ASF1A: variants seen among roughly 807,000 people sequenced by gnomAD.
ASF1A encodes anti-silencing function 1A histone chaperone.
In ASF1A, 5 loss-of-function variants were observed where a neutral mutation model predicts 22.0. That is an observed-to-expected ratio of 0.23 (90% CI 0.12 to 0.48). The LOEUF (loss-of-function observed/expected upper bound fraction) is 0.48. Among genes scored for constraint, ASF1A ranks in the 20% least tolerant of loss-of-function variants. The probability of loss-of-function intolerance (pLI) is 0.99; values close to 1 mark genes in which losing one functional copy is unlikely to be tolerated. For missense variants in ASF1A, 137 were observed against 240.6 expected, an observed-to-expected ratio of 0.57 and a Z score of 2.85; for synonymous variants, 97 against 86.7, an observed-to-expected ratio of 1.12 and a Z score of -0.66.
intron 1 of ASF1A, among the ~76,000 whole-genome samples, chr6:118,896,352 G>A (rs1223841948): frequency 6.6e-6 from 1 of 152,038 alleles, no homozygotes; most frequent in Non-Finnish European, 1.5e-5. Flanking sequence ...CTGTTTTTCA[G>A]ATATACCACC....
rs768988715 is a variant in ASF1A at position 118,907,596 on chromosome 6, C to G, written c.597C>G (p.Ser199=). 1.9e-5 allele frequency: 30 copies of G among 1,613,250 alleles called. No homozygotes were observed. The highest frequency in any genetic ancestry group is 3.3e-5 in the Admixed American group (2 of 59,984). ...ACTCACTAAATGTCATGTTAGAATC[C>G]CACATGGACTGCATGTGACCACCTA... ...SENSLNVMLE[S]HMDCM The change falls in exon 4 of 4, where the codon TCC becomes TCG. Residue 199 remains serine, a synonymous_variant. Transcript: ENST00000229595.
At chr6:118,900,719 A>T in intron 1 of ASF1A, 47 bp from the exon 2 acceptor site, 1 of 1,257,336 alleles carries the variant, frequency 8.0e-7, no homozygotes, top group Non-Finnish European at 1.2e-6. Context: ...GTCATCTGGT[A>T]ATGTAATTAC....
intron 1 of ASF1A, among the ~76,000 whole-genome samples, chr6:118,895,036 A>AAGGC (rs951721013): frequency 2.4e-4 from 37 of 151,946 alleles, no homozygotes; most frequent in Admixed American, 1.8e-3. Flanking sequence ...CCCCCGGCGA[A>AAGGC]AGGCAGGCAG....
At chr6:118,894,797 C>T (rs1347800427) in intron 1 of ASF1A, among the ~76,000 whole-genome samples, 4 of 152,206 alleles carry the variant, frequency 2.6e-5, no homozygotes, top group African/African-American at 9.6e-5. Flanking sequence ...GGGCGGGCAG[C>T]TCGGAGACCC....
chr6:118,905,886 G>A, intron 3 of ASF1A, 58 bp downstream of exon 3: 1 of 1,319,998 alleles, frequency 7.6e-7, no homozygotes, highest in Non-Finnish European at 1.0e-6. Context: ...TAAAGCAGTT[G>A]CTATTGCAAT....
chr6:118,894,615 C>G (rs1335959728), intron 1 of ASF1A, 93 bp downstream of exon 1: 24 of 1,086,308 alleles, frequency 2.2e-5, no homozygotes, highest in Non-Finnish European at 2.3e-5. Flanking sequence ...CGGCTGTGTT[C>G]GGCGCCTGGC....
rs1389778127 is a variant in ASF1A at position 118,894,405 on chromosome 6, T to C, written c.-9T>C. Reference sequence around the variant, plus strand: ...CCCCAGTTCCCATTGTTTGTGTTTTTTTCAAAATATGGCAAAGGTTCAGGT... The same window carrying C: ...CCCCAGTTCCCATTGTTTGTGTTTTCTTCAAAATATGGCAAAGGTTCAGGT... On this transcript the variant is annotated 5_prime_UTR_variant, in exon 1 of 4. Coordinates refer to ENST00000229595, the MANE Select transcript of ASF1A (RefSeq NM_014034.3). 2 of 1,536,826 alleles carry C rather than the reference T, an allele frequency of 1.3e-6. No homozygotes were observed. The highest frequency in any genetic ancestry group is 1.7e-6 in the Non-Finnish European group (2 of 1,146,748).
chr6:118,896,273 T>A (rs1779405233), intron 1 of ASF1A, among the ~76,000 whole-genome samples: 1 of 152,170 alleles, frequency 6.6e-6, no homozygotes, highest in Non-Finnish European at 1.5e-5. Flanking sequence ...ATTTTTTTTT[T>A]ATTGCCAACT....
Position 118,894,449 on chromosome 6 carries a change from G to A in ASF1A, c.36G>A (p.Leu12=), listed in dbSNP as rs1365634337. The part of the protein sequence containing the change: ...AKVQVNNVVV[L]DNPSPFYNPF... ...TTCAGGTGAACAATGTAGTGGTGCT[G>A]GATAACCCTTCTCCTTTCTACAACC... The change falls in exon 1 of 4, where the codon CTG becomes CTA. Residue 12 remains leucine, a synonymous_variant. Transcript: ENST00000229595. 3.3e-6 allele frequency: 5 copies of A among 1,537,036 alleles called. No individual in the cohort carries two copies. The highest frequency in any genetic ancestry group is 2.7e-5 in the African/African-American group (2 of 73,038).
chr6:118,901,156 G>A (rs531137536), intron 2 of ASF1A: 64 of 240,562 alleles, frequency 2.7e-4, no homozygotes, highest in Non-Finnish European at 4.7e-4. Context: ...GGCACACAGG[G>A]TGGTGAATTT....
At position 118,907,441 on chromosome 6, in the gene ASF1A, A is replaced by G; in HGVS notation, c.442A>G (p.Arg148Gly). Residue 148 changes from arginine to glycine, a missense_variant, in exon 4 of 4, where the codon AGA becomes GGA. By Grantham distance (125) the Arg-to-Gly change is moderately radical (BLOSUM62 -2). Transcript: ENST00000229595. ...TTTGGCATCTAATCCCAGGGTCACA[A>G]GATTCCACATTAATTGGGAAGATAA... ...NILASNPRVT[R>G]FHINWEDNTE... is the part of the protein sequence containing the mutation. 6.2e-7 allele frequency: 1 copy of G among 1,610,954 alleles called. No homozygotes were observed. Among genetic ancestry groups the G allele is most frequent in the Non-Finnish European group, 8.5e-7 (1 of 1,178,262 alleles).
At chr6:118,894,580 T>C in intron 1 of ASF1A, 58 bp downstream of exon 1, 1 of 1,409,118 alleles carries the variant, frequency 7.1e-7, no homozygotes, top group South Asian at 1.2e-5. Flanking sequence ...CGTTGAAAGT[T>C]TCCCGGGCCG....
intron 1 of ASF1A, among the ~76,000 whole-genome samples, chr6:118,895,333 C>T (rs370415353): frequency 6.6e-6 from 1 of 152,090 alleles, no homozygotes; most frequent in African/African-American, 2.4e-5. Flanking sequence ...CCCCTAATGA[C>T]GAAAAGCTAA....
chr6:118,894,771 T>C (rs1347340078), intron 1 of ASF1A, among the ~76,000 whole-genome samples: 1 of 152,178 alleles, frequency 6.6e-6, no homozygotes, highest in Non-Finnish European at 1.5e-5. Context: ...GTAGCCATGT[T>C]GTCAGCTTTG....
chr6:118,895,918 TATTC>T (rs1001487821), intron 1 of ASF1A, among the ~76,000 whole-genome samples: 2 of 152,088 alleles, frequency 1.3e-5, no homozygotes, highest in African/African-American at 4.8e-5. Context: ...AAACAATATA[TATTC>T]ATTGTAATAA....
chr6:118,903,653 C>A (rs1779965185), intron 2 of ASF1A, among the ~76,000 whole-genome samples: 1 of 152,052 alleles, frequency 6.6e-6, no homozygotes, highest in African/African-American at 2.4e-5. Flanking sequence ...GATGTAAGCT[C>A]CAAAAAAGAT....
rs764589675 is a variant in ASF1A at position 118,907,479 on chromosome 6, G to T, written c.480G>T (p.Leu160=). The change falls in exon 4 of 4, where the codon CTG becomes CTT. Residue 160 remains leucine, a synonymous_variant. Coordinates refer to ENST00000229595, the MANE Select transcript of ASF1A (RefSeq NM_014034.3). Reference sequence around the variant, plus strand: ...ATTGGGAAGATAACACAGAAAAACTGGAAGATGCAGAGAGCAGTAATCCAA... The same window carrying T: ...ATTGGGAAGATAACACAGAAAAACTTGAAGATGCAGAGAGCAGTAATCCAA... The part of the protein sequence containing the change: ...HINWEDNTEK[L]EDAESSNPNL... 1 of 1,613,400 alleles carries T rather than the reference G, an allele frequency of 6.2e-7. No homozygotes were observed.
rs149529563 is a variant in ASF1A at position 118,897,344 on chromosome 6, T to C, written c.109+2822T>C. Among the ~76,000 whole-genome samples the C allele has an allele frequency of 7.4e-4, 113 of 152,188 alleles. No individual in the cohort carries two copies. In the Middle Eastern group the frequency reaches 0.014, roughly 18 times the overall value. On this transcript the variant is annotated intron_variant, in intron 1 of 3. Transcript: ENST00000229595. ...ATTTGGTTCTTTCTAATATAGGGCT[T>C]ATATCAAGGGTTAAGACAGCCTGAG...
At chr6:118,894,604 G>A (rs2114479560) in intron 1 of ASF1A, 82 bp downstream of exon 1, 1 of 1,260,818 alleles carries the variant, frequency 7.9e-7, no homozygotes, top group Admixed American at 2.0e-5. Flanking sequence ...CTCGCGCTGG[G>A]CGGCTGTGTT....
Sources: allele counts gnomAD v4.1 joint callset (sites outside exome capture counted in the v4.1 genomes callset), GRCh38; gene constraint gnomAD v4.1.1; transcripts MANE v1.5; gene names NCBI Gene and HGNC (gene_info 2026-07-23, HGNC 2026-07-21).